NXPE4: variants seen among roughly 807,000 people sequenced by gnomAD.
NXPE4 encodes the protein neurexophilin and PC-esterase domain family member 4, also known as NXPE family member 4.
Under a neutral mutation model 33.3 loss-of-function variants are expected in NXPE4, and 42 were observed. The ratio of observed to expected loss-of-function variants is 1.26; its 90% CI spans 0.98 to 1.63. NXPE4 has a LOEUF of 1.63. Among genes scored for constraint, NXPE4 ranks in the 40% most tolerant of loss-of-function variants. The pLI is 0.00. For missense variants in NXPE4, 709 were observed against 647.6 expected (o/e 1.09, Z -1.03); for synonymous variants, 253 against 234.9 (o/e 1.08, Z -0.71).
chr11:114,608,075 C>T, the NXPE4 span, among the ~76,000 whole-genome samples: 1 of 148,868 alleles, frequency 6.7e-6, no homozygotes, highest in Non-Finnish European at 1.5e-5. Flanking sequence ...CACTGTTACC[C>T]TGTGTCTAAT....
At chr11:114,644,817 T>C in the NXPE4 span, among the ~76,000 whole-genome samples, 1 of 151,588 alleles carries the variant, frequency 6.6e-6, no homozygotes, top group East Asian at 1.9e-4. Flanking sequence ...CCCTGCCAGA[T>C]ATCAATTTAA....
the NXPE4 span, among the ~76,000 whole-genome samples, chr11:114,634,837 A>G: frequency 6.6e-6 from 1 of 152,028 alleles, no homozygotes; most frequent in African/African-American, 2.4e-5. Context: ...CTGTTTTGGT[A>G]TCAGTGCTAT....
the NXPE4 span, among the ~76,000 whole-genome samples, chr11:114,668,467 A>G: frequency 6.6e-6 from 1 of 152,012 alleles, no homozygotes; most frequent in East Asian, 1.9e-4. Context: ...GCAAACAAAA[A>G]TTTGTGACAA....
At chr11:114,634,953 T>A in the NXPE4 span, among the ~76,000 whole-genome samples, 1 of 152,028 alleles carries the variant, frequency 6.6e-6, no homozygotes, top group East Asian at 1.9e-4. Context: ...GAGGGCCCTT[T>A]TTTGGTTCCA....
chr11:114,670,008 C>T, the NXPE4 span, among the ~76,000 whole-genome samples: 1 of 152,054 alleles, frequency 6.6e-6, no homozygotes, highest in African/African-American at 2.4e-5. Context: ...CATAAACCAA[C>T]TAATTTACCA....
chr11:114,651,985 C>G, the NXPE4 span, among the ~76,000 whole-genome samples: 1 of 152,228 alleles, frequency 6.6e-6, no homozygotes, highest in African/African-American at 2.4e-5. Flanking sequence ...CAGCTTGCTG[C>G]ATCCCAGGTT....
chr11:114,650,155 C>T, the NXPE4 span, among the ~76,000 whole-genome samples: 20 of 151,952 alleles, frequency 1.3e-4, no homozygotes, highest in African/African-American at 2.2e-4. Context: ...ACCAAATGGC[C>T]GGAATTCTAA....
chr11:114,577,416 C>T (rs781755627), intron 5 of NXPE4, among the ~76,000 whole-genome samples: 1 of 151,740 alleles, frequency 6.6e-6, no homozygotes, highest in Non-Finnish European at 1.5e-5. Context: ...TCAGCGTTGG[C>T]GAGGGATAAA....
chr11:114,630,032 A>G, the NXPE4 span, among the ~76,000 whole-genome samples: 1 of 151,436 alleles, frequency 6.6e-6, no homozygotes, highest in African/African-American at 2.4e-5. Context: ...GGATACAAAC[A>G]AATGGAAGAA....
chr11:114,637,019 G>T, the NXPE4 span, among the ~76,000 whole-genome samples: 1 of 152,206 alleles, frequency 6.6e-6, no homozygotes, highest in East Asian at 1.9e-4. Flanking sequence ...GGGTATCGTT[G>T]TTGACTTTCT....
At chr11:114,599,479 C>A (rs1401573989), upstream of NXPE4, among the ~76,000 whole-genome samples, 4 of 152,202 alleles carry the variant, frequency 2.6e-5, no homozygotes, top group African/African-American at 9.6e-5. Flanking sequence ...CAGTGTTCCA[C>A]TCCCCAGTGC....
At chr11:114,659,689 G>A in the NXPE4 span, among the ~76,000 whole-genome samples, 2 of 152,054 alleles carry the variant, frequency 1.3e-5, no homozygotes, top group East Asian at 1.9e-4. Context: ...TGAGGGATAA[G>A]TTGTAACATT....
the NXPE4 span, among the ~76,000 whole-genome samples, chr11:114,626,591 G>T: frequency 2.0e-5 from 3 of 152,034 alleles, no homozygotes; most frequent in South Asian, 2.1e-4. Context: ...GCAGAAAAAC[G>T]GGAAACTCTA....
chr11:114,605,526 C>G, the NXPE4 span, among the ~76,000 whole-genome samples: 8 of 151,354 alleles, frequency 5.3e-5, no homozygotes, highest in Admixed American at 1.3e-4. Context: ...CCACAGTTAC[C>G]CGGTGGATAA....
At chr11:114,663,963 C>T in the NXPE4 span, among the ~76,000 whole-genome samples, 1 of 152,108 alleles carries the variant, frequency 6.6e-6, no homozygotes, top group Non-Finnish European at 1.5e-5. Context: ...AAAAATGGTG[C>T]AGACACTTCA....
At chr11:114,647,095 G>A in the NXPE4 span, among the ~76,000 whole-genome samples, 1 of 152,200 alleles carries the variant, frequency 6.6e-6, no homozygotes, top group Non-Finnish European at 1.5e-5. Flanking sequence ...TGAACCTTGT[G>A]AACAAACATG....
chr11:114,588,253 C>G (rs185964806), intron 2 of NXPE4, among the ~76,000 whole-genome samples: 1 of 152,166 alleles, frequency 6.6e-6, no homozygotes, highest in Non-Finnish European at 1.5e-5. Flanking sequence ...CCCCACTCCC[C>G]TAGCTTCACT....
the NXPE4 span, among the ~76,000 whole-genome samples, chr11:114,650,425 A>G: frequency 6.6e-6 from 1 of 152,210 alleles, no homozygotes; most frequent in Non-Finnish European, 1.5e-5. Flanking sequence ...AGAGAAGACC[A>G]GGAGATTGAG....
the NXPE4 span, among the ~76,000 whole-genome samples, chr11:114,626,832 G>T: frequency 6.6e-6 from 1 of 152,072 alleles, no homozygotes; most frequent in African/African-American, 2.4e-5. Context: ...AAAGGAGCTG[G>T]TGGAGCTGAA....
Sources: gnomAD v4.1 joint callset for allele counts (sites outside exome capture counted in the v4.1 genomes callset) on GRCh38, gnomAD v4.1.1 for gene constraint, MANE v1.5 for transcripts, NCBI Gene and HGNC (gene_info 2026-07-23, HGNC 2026-07-21) for gene names.